TTC39B: variants seen among roughly 807,000 people sequenced by gnomAD.
The protein encoded by TTC39B is tetratricopeptide repeat domain 39B, also known as tetratricopeptide repeat protein 39B.
TTC39B carries 92 observed loss-of-function variants against 96.6 expected under a neutral mutation model. The observed-to-expected ratio is 0.95, with a 90% CI of 0.80 to 1.13. The LOEUF is 1.13. TTC39B is among the 50% of genes most tolerant of loss of function. The probability of loss-of-function intolerance (pLI) is 0.00; values close to 1 mark genes in which losing one functional copy is unlikely to be tolerated. For missense variants in TTC39B, 955 were observed against 809.3 expected (o/e 1.18, Z -2.18); for synonymous variants, 367 against 299.4 (o/e 1.23, Z -2.33).
intron 1 of TTC39B, among the ~76,000 whole-genome samples, chr9:15,292,601 G>T (rs1047380224): frequency 3.3e-5 from 5 of 152,146 alleles, no homozygotes; most frequent in African/African-American, 1.2e-4. Flanking sequence ...AGACGGCATT[G>T]TTGTCATAGG....
rs778543697 is a variant in TTC39B, at chr9:15,199,908, G to A, written c.777C>T (p.Asn259=). 3.9e-6 allele frequency: 6 copies of A among 1,541,982 alleles called. No homozygotes were observed. The East Asian group carries it at 9.1e-5, about 23-fold the overall frequency. ...TAATTTTGAGTCCACCTTTGATGAA[G>A]TTGATCATATTTTCATCCTGAAAAT... Residue 259 remains asparagine, a synonymous_variant, in exon 8 of 20, where the codon AAC becomes AAT. Coordinates refer to ENST00000512701, the Ensembl canonical transcript of TTC39B.
chr9:15,206,070 T>C (rs1232906126), intron 6 of TTC39B, among the ~76,000 whole-genome samples: 1 of 152,112 alleles, frequency 6.6e-6, no homozygotes, highest in African/African-American at 2.4e-5. Flanking sequence ...ATGAACAAAG[T>C]TAAGAGCAGC....
At chr9:15,171,348 A>G (rs1817650391) in exon 20 of TTC39B, 1 of 152,142 alleles carries the variant, frequency 6.6e-6, no homozygotes, top group African/African-American at 2.4e-5. Flanking sequence ...GGGGTTTTGA[A>G]TTTTGTTATT....
chr9:15,271,690 C>A (rs56149191), intron 1 of TTC39B, among the ~76,000 whole-genome samples: 5,115 of 152,224 alleles, frequency 0.034, 276 homozygotes, highest in African/African-American at 0.12. Context: ...CAGTCCACGG[C>A]TCAGGCATTG....
intron 11 of TTC39B, among the ~76,000 whole-genome samples, chr9:15,190,323 A>G (rs1416504498): frequency 2.6e-5 from 4 of 152,040 alleles, no homozygotes; most frequent in Non-Finnish European, 5.9e-5. Flanking sequence ...AAAATAATCA[A>G]CTTTATGTTT....
At chr9:15,266,238 C>T (rs1823125350) in intron 2 of TTC39B, among the ~76,000 whole-genome samples, 1 of 151,544 alleles carries the variant, frequency 6.6e-6, no homozygotes. Flanking sequence ...ATCCCAATCA[C>T]AATTAAGTTT....
chr9:15,277,580 A>AAG, intron 1 of TTC39B, among the ~76,000 whole-genome samples: 1 of 152,204 alleles, frequency 6.6e-6, no homozygotes, highest in East Asian at 1.9e-4. Context: ...GACATTGCCC[A>AAG]ACACAGTGAG....
At chr9:15,251,724 T>TAC in intron 2 of TTC39B, among the ~76,000 whole-genome samples, 1 of 131,268 alleles carries the variant, frequency 7.6e-6, no homozygotes, top group Non-Finnish European at 1.6e-5. Flanking sequence ...TATATATATA[T>TAC]ATATATATAT....
chr9:15,265,496 A>G (rs1365519829), intron 2 of TTC39B, among the ~76,000 whole-genome samples: 3 of 152,222 alleles, frequency 2.0e-5, no homozygotes, highest in African/African-American at 7.2e-5. Context: ...ATCACCTACT[A>G]TAGCCCAAGC....
At chr9:15,256,669 C>T (rs1314951453) in intron 2 of TTC39B, among the ~76,000 whole-genome samples, 1 of 152,116 alleles carries the variant, frequency 6.6e-6, no homozygotes, top group East Asian at 1.9e-4. Flanking sequence ...GGTGGAGTCA[C>T]TGAGAAAGTG....
intron 3 of TTC39B, among the ~76,000 whole-genome samples, chr9:15,221,880 G>A (rs1040185940): frequency 2.6e-5 from 4 of 152,070 alleles, no homozygotes; most frequent in African/African-American, 7.2e-5. Context: ...GTATTGCATT[G>A]TTACATATGG....
chr9:15,305,541 T>C (rs1587047021), intron 1 of TTC39B, among the ~76,000 whole-genome samples: 2 of 152,120 alleles, frequency 1.3e-5, no homozygotes, highest in East Asian at 3.8e-4. Context: ...TGAGTTGTTA[T>C]TAAGCAACAT....
chr9:15,283,370 T>C (rs1407748872), intron 1 of TTC39B, among the ~76,000 whole-genome samples: 1 of 152,256 alleles, frequency 6.6e-6, no homozygotes, highest in Non-Finnish European at 1.5e-5. Context: ...TTTGTAAGCA[T>C]GTCTGTACAC....
intron 8 of TTC39B, among the ~76,000 whole-genome samples, chr9:15,198,464 ATAT>A (rs752646758): frequency 1.1e-4 from 11 of 98,384 alleles, no homozygotes; most frequent in African/African-American, 1.1e-4. Flanking sequence ...TCGCAAAAAT[ATAT>A]ATATATATAT....
rs143902062 is a variant in TTC39B at position 15,253,717 on chromosome 9, T to C, written c.275+14197A>G. Among the ~76,000 whole-genome samples, 30 of 138,068 alleles carry C rather than the reference T, an allele frequency of 2.2e-4. No homozygotes were observed. The East Asian group carries it at 4.9e-3, about 22-fold the overall frequency. 90.6% of individuals were successfully genotyped at this position (138,068 alleles called of 152,430 possible). ...TGTTTGCAGTGTTAACCTTCTTTCATATATGTTCAAGTATTTTCTCTTTGA... is the reference window on the plus strand; with the variant it reads ...TGTTTGCAGTGTTAACCTTCTTTCACATATGTTCAAGTATTTTCTCTTTGA... On this transcript the variant is annotated intron_variant, in intron 2 of 19. Coordinates refer to ENST00000512701, the Ensembl canonical transcript of TTC39B.
chr9:15,230,622 G>T (rs538531647), intron 2 of TTC39B, among the ~76,000 whole-genome samples: 2 of 152,112 alleles, frequency 1.3e-5, no homozygotes, highest in Non-Finnish European at 2.9e-5. Context: ...TTAGTCATTT[G>T]TTGATAATAT....
At chr9:15,230,880 G>C (rs950599663) in intron 2 of TTC39B, among the ~76,000 whole-genome samples, 5 of 152,114 alleles carry the variant, frequency 3.3e-5, no homozygotes, top group Non-Finnish European at 7.4e-5. Flanking sequence ...AGCTACTCGG[G>C]AGGCTGAGGC....
At chr9:15,208,100 G>C (rs1042594308) in intron 6 of TTC39B, among the ~76,000 whole-genome samples, 1 of 151,268 alleles carries the variant, frequency 6.6e-6, no homozygotes, top group Non-Finnish European at 1.5e-5. Flanking sequence ...CGCGATCTCG[G>C]CTCACTGCAA....
intron 1 of TTC39B, among the ~76,000 whole-genome samples, chr9:15,274,180 T>C (rs900979384): frequency 2.6e-5 from 4 of 152,256 alleles, no homozygotes; most frequent in Admixed American, 6.5e-5. Flanking sequence ...AGAATTAATT[T>C]AAAATACACC....
Sources: allele counts gnomAD v4.1 joint callset (sites outside exome capture counted in the v4.1 genomes callset), GRCh38; gene constraint gnomAD v4.1.1; transcripts MANE v1.5; gene names NCBI Gene and HGNC (gene_info 2026-07-23, HGNC 2026-07-21).